Variants in TYW1B observed in about 807,000 individuals in gnomAD.
TYW1B encodes S-adenosyl-L-methionine-dependent tRNA 4-demethylwyosine synthase TYW1B.
A neutral mutation model predicts 86.9 loss-of-function variants in TYW1B; 73 were observed. That is an observed-to-expected ratio of 0.84 (90% CI 0.70 to 1.02). TYW1B has a LOEUF of 1.02. TYW1B is among the 50% of genes least tolerant of loss of function. TYW1B has a pLI of 0.00. For synonymous variants in TYW1B, 248 were observed against 292.8 expected (o/e 0.85, Z 1.56); for missense variants, 637 against 827.4 (o/e 0.77, Z 2.82).
At chr7:72,590,121 A>G (rs1811361829) in intron 13 of TYW1B, among the ~76,000 whole-genome samples, 1 of 152,158 alleles carries the variant, frequency 6.6e-6, no homozygotes, top group South Asian at 2.1e-4. Context: ...AATTTGTCTG[A>G]TGTAACTATT....
At chr7:72,646,078 GCT>G (rs1482381624) in intron 11 of TYW1B, among the ~76,000 whole-genome samples, 22 of 148,258 alleles carry the variant, frequency 1.5e-4, no homozygotes, top group African/African-American at 4.9e-4. Flanking sequence ...AGAGGTTCAC[GCT>G]CTGTCACACA....
intron 13 of TYW1B, among the ~76,000 whole-genome samples, chr7:72,598,277 TC>T (rs1811582472): frequency 6.6e-6 from 1 of 152,110 alleles, no homozygotes; most frequent in African/African-American, 2.4e-5. Context: ...AACATCGGAC[TC>T]CAAGTTCTTC....
At chr7:72,761,647 G>C (rs1787687416) in intron 7 of TYW1B, among the ~76,000 whole-genome samples, 1 of 151,214 alleles carries the variant, frequency 6.6e-6, no homozygotes, top group Non-Finnish European at 1.5e-5. Flanking sequence ...GAATAATTTT[G>C]TCTAACGTAG....
At chr7:72,704,890 TTCTC>T (rs141692163) in intron 10 of TYW1B, among the ~76,000 whole-genome samples, 2 of 151,916 alleles carry the variant, frequency 1.3e-5, no homozygotes, top group Non-Finnish European at 2.9e-5. Context: ...TCTCTGCACT[TTCTC>T]TCTCTCTCTT....
rs561402583 is a variant in TYW1B at position 72,653,373 on chromosome 7, G to A, written c.1507-24376C>T. 1.3e-3 allele frequency among the ~76,000 whole-genome samples: 205 copies of A among 152,208 alleles called. 2 individuals carry two copies. The highest frequency in any genetic ancestry group is 3.2e-4 in the Non-Finnish European group (22 of 68,012). On this transcript the variant is annotated intron_variant, in intron 11 of 13. Transcript: ENST00000620995. Reference sequence around the variant, plus strand: ...TGTAATCCCAGCACTTTGGGAGGCCGAGGCGGGCGGATCACGAGGTCAGGA... The same window carrying A: ...TGTAATCCCAGCACTTTGGGAGGCCAAGGCGGGCGGATCACGAGGTCAGGA...
Position 72,713,423 on chromosome 7 carries a change from C to T in TYW1B, c.1370+198G>A, listed in dbSNP as rs1786716131. On this transcript the variant is annotated intron_variant, in intron 10 of 13. Transcript: ENST00000620995. Reference sequence around the variant, plus strand: ...AATTCCCCTAGCGACATATCTGTGCCTCTAGTCTTTTTACTAATGTTGTTG... The same window carrying T: ...AATTCCCCTAGCGACATATCTGTGCTTCTAGTCTTTTTACTAATGTTGTTG... 2.0e-5 allele frequency among the ~76,000 whole-genome samples: 3 copies of T among 151,878 alleles called. No individual in the cohort carries two copies. The East Asian group carries it at 5.8e-4, about 29-fold the overall frequency.
intron 6 of TYW1B, among the ~76,000 whole-genome samples, chr7:72,798,596 T>C (rs1406096427): frequency 1.3e-5 from 2 of 152,128 alleles, no homozygotes; most frequent in Non-Finnish European, 2.9e-5. Context: ...GGAAATGCTG[T>C]TTTGCATTAA....
At chr7:72,649,207 C>G (rs1757990857) in intron 11 of TYW1B, among the ~76,000 whole-genome samples, 1 of 151,978 alleles carries the variant, frequency 6.6e-6, no homozygotes, top group South Asian at 2.1e-4. Context: ...GTAAGGAATA[C>G]AAAATGTAAA....
At position 72,807,291 on chromosome 7, in the gene TYW1B, C is replaced by T; in HGVS notation, c.498G>A (p.Glu166=). 1 of 1,614,188 alleles carries T rather than the reference C, an allele frequency of 6.2e-7. No homozygotes were observed. Among genetic ancestry groups the T allele is most frequent in the African/African-American group, 1.3e-5 (1 of 75,042 alleles). Residue 166 remains glutamate (E), a synonymous_variant, in exon 5 of 14, where the codon GAG becomes GAA. Transcript: ENST00000620995. ...LGVHRVMSRG[E]GDCDVVKSKH... ...TGCTTTTAACCACGTCGCAGTCGCC[C>T]TCCCCTCGACTCATCACACGATGCA...
At chr7:72,729,058 C>A in intron 8 of TYW1B, 127 bp from the exon 9 acceptor site, 3 of 778,752 alleles carry the variant, frequency 3.9e-6, no homozygotes, top group Non-Finnish European at 6.2e-6. Context: ...AGAGTTCAAC[C>A]ACGTATAGTG....
intron 7 of TYW1B, among the ~76,000 whole-genome samples, chr7:72,767,190 C>T (rs1358702536): frequency 2.0e-5 from 3 of 152,262 alleles, no homozygotes; most frequent in Non-Finnish European, 4.4e-5. Flanking sequence ...TCTCTGCCAA[C>T]GTCATCTGCC....
chr7:72,645,216 G>C (rs1812899572), intron 11 of TYW1B, among the ~76,000 whole-genome samples: 2 of 152,202 alleles, frequency 1.3e-5, no homozygotes, highest in South Asian at 4.1e-4. Flanking sequence ...CTTATCAAAA[G>C]TCATGAGGCA....
chr7:72,773,503 G>C (rs797026724), intron 7 of TYW1B, among the ~76,000 whole-genome samples: 1 of 152,146 alleles, frequency 6.6e-6, no homozygotes, highest in African/African-American at 2.4e-5. Flanking sequence ...CGACCCAAGC[G>C]AAGCCCAGTG....
chr7:72,786,812 C>A (rs1227220737), intron 6 of TYW1B, among the ~76,000 whole-genome samples: 1 of 152,050 alleles, frequency 6.6e-6, no homozygotes, highest in East Asian at 1.9e-4. Context: ...TGAGCTCAAG[C>A]GATCCACCTG....
chr7:72,622,477 A>C (rs1377167614), intron 12 of TYW1B, among the ~76,000 whole-genome samples: 2 of 152,210 alleles, frequency 1.3e-5, no homozygotes, highest in African/African-American at 4.8e-5. Context: ...ATTTAGGCTC[A>C]AGGAGGATGA....
chr7:72,576,791 C>T (rs1357452529), intron 13 of TYW1B, among the ~76,000 whole-genome samples: 28 of 151,700 alleles, frequency 1.8e-4, no homozygotes, highest in African/African-American at 6.0e-4. Flanking sequence ...GGATTACAGG[C>T]GTGAGCCACC....
intron 2 of TYW1B, among the ~76,000 whole-genome samples, chr7:72,823,322 T>C (rs1309959573): frequency 6.6e-6 from 1 of 151,052 alleles, no homozygotes; most frequent in East Asian, 2.0e-4. Context: ...ACCTTGTCTC[T>C]TAAAAAATAA....
chr7:72,682,216 CAAAAAA>C (rs879949041), intron 11 of TYW1B, among the ~76,000 whole-genome samples: 1 of 134,840 alleles, frequency 7.4e-6, no homozygotes, highest in African/African-American at 2.7e-5. Flanking sequence ...ACTCTGTTAA[CAAAAAA>C]AAAAAAGTAG....
At chr7:72,628,058 G>A (rs575889653) in intron 12 of TYW1B, among the ~76,000 whole-genome samples, 12 of 152,244 alleles carry the variant, frequency 7.9e-5, no homozygotes, top group African/African-American at 1.9e-4. Context: ...CTGAGAGGCC[G>A]AGGCAGGAGG....
Sources: gnomAD v4.1 joint callset for allele counts (sites outside exome capture counted in the v4.1 genomes callset) on GRCh38, gnomAD v4.1.1 for gene constraint, MANE v1.5 for transcripts, NCBI Gene and HGNC (gene_info 2026-07-23, HGNC 2026-07-21) for gene names.